KCNH1: variants seen among roughly 807,000 people sequenced by gnomAD.
KCNH1 encodes the protein potassium voltage-gated channel subfamily H member 1.
KCNH1 carries 27 observed loss-of-function variants against 69.2 expected under a neutral mutation model. The ratio of observed to expected loss-of-function variants is 0.39; its 90% CI spans 0.29 to 0.54. The LOEUF (loss-of-function observed/expected upper bound fraction) is 0.54, where lower values mean the gene tolerates loss of function less well. Ranked by LOEUF, KCNH1 falls within the 20% of genes least tolerant of loss-of-function variation. KCNH1 has a pLI of 0.68. For missense variants in KCNH1, 798 were observed against 1,261.6 expected, an observed-to-expected ratio of 0.63 and a Z score of 5.57; for synonymous variants, 456 against 487.7, an observed-to-expected ratio of 0.93 and a Z score of 0.86.
intron 7 of KCNH1, among the ~76,000 whole-genome samples, chr1:210,894,337 C>T (rs114688110): frequency 5.0e-4 from 76 of 152,312 alleles, no homozygotes; most frequent in African/African-American, 1.8e-3. Flanking sequence ...AAAGACCCTT[C>T]TGACTACTCA....
At chr1:211,067,935 T>C (rs537533433) in intron 5 of KCNH1, among the ~76,000 whole-genome samples, 41 of 152,314 alleles carry the variant, frequency 2.7e-4, no homozygotes, top group Admixed American at 5.9e-4. Context: ...TTTAGAGGAT[T>C]AGAGGAGACA....
intron 5 of KCNH1, among the ~76,000 whole-genome samples, chr1:211,054,809 T>C (rs947472748): frequency 1.3e-5 from 2 of 149,046 alleles, no homozygotes; most frequent in South Asian, 4.3e-4. Context: ...AAAAATAACA[T>C]TGAGTGGAAA....
chr1:211,001,491 G>A (rs192156764), intron 6 of KCNH1, among the ~76,000 whole-genome samples: 31 of 152,186 alleles, frequency 2.0e-4, no homozygotes, highest in Admixed American at 4.6e-4. Context: ...TTAGAATGGC[G>A]ATCATTAAAA....
chr1:210,696,933 A>G (rs975834360), intron 10 of KCNH1, among the ~76,000 whole-genome samples: 1 of 152,242 alleles, frequency 6.6e-6, no homozygotes, highest in African/African-American at 2.4e-5. Flanking sequence ...TGTAATGCAC[A>G]GCCATCTCCT....
intron 7 of KCNH1, among the ~76,000 whole-genome samples, chr1:210,909,010 A>C (rs181017648): frequency 7.2e-5 from 11 of 152,270 alleles, no homozygotes; most frequent in Admixed American, 3.9e-4. Flanking sequence ...GGTTTTTATC[A>C]CCACGTAGCT....
chr1:211,083,340 T>G (rs908854186), intron 4 of KCNH1, among the ~76,000 whole-genome samples: 1 of 152,252 alleles, frequency 6.6e-6, no homozygotes, highest in African/African-American at 2.4e-5. Flanking sequence ...AAACAGTTGG[T>G]TCTGCATTTT....
At chr1:210,756,693 T>C (rs757915581) in intron 10 of KCNH1, among the ~76,000 whole-genome samples, 33 of 152,174 alleles carry the variant, frequency 2.2e-4, no homozygotes, top group Non-Finnish European at 2.1e-4. Context: ...ATGGAAGGGA[T>C]AGTGAACTCA....
At chr1:210,821,285 T>C (rs540174047) in intron 7 of KCNH1, among the ~76,000 whole-genome samples, 1 of 152,290 alleles carries the variant, frequency 6.6e-6, no homozygotes, top group African/African-American at 2.4e-5. Flanking sequence ...GGAACTGATA[T>C]CACCATTTAG....
chr1:210,932,200 A>C (rs554973232), intron 6 of KCNH1, among the ~76,000 whole-genome samples: 26 of 152,320 alleles, frequency 1.7e-4, no homozygotes, highest in Admixed American at 3.3e-4. Flanking sequence ...TAGAAGTCAA[A>C]GATAGAATTC....
At chr1:210,752,062 C>A (rs979794907) in intron 10 of KCNH1, among the ~76,000 whole-genome samples, 4 of 152,126 alleles carry the variant, frequency 2.6e-5, no homozygotes, top group Admixed American at 2.6e-4. Flanking sequence ...GAGTACACTG[C>A]ATGTTCTGTA....
intron 6 of KCNH1, among the ~76,000 whole-genome samples, chr1:210,953,690 G>A (rs910722175): frequency 6.6e-6 from 1 of 152,082 alleles, no homozygotes; most frequent in Non-Finnish European, 1.5e-5. Context: ...TTCCTGGCAG[G>A]AAATCCTCCA....
At chr1:210,920,092 T>C in intron 6 of KCNH1, 23 bp from the exon 7 acceptor site, 2 of 1,603,590 alleles carry the variant, frequency 1.2e-6, no homozygotes, top group Non-Finnish European at 1.7e-6. Context: ...GAACACAGCG[T>C]CAGGGCCAAA....
intron 5 of KCNH1, among the ~76,000 whole-genome samples, chr1:211,068,931 G>A (rs115219964): frequency 0.011 from 1,627 of 152,302 alleles, 35 homozygotes; most frequent in African/African-American, 0.037. Flanking sequence ...ACCATTCATA[G>A]GAAGTCGCTT....
At chr1:211,037,639 T>G (rs1429758912) in intron 5 of KCNH1, among the ~76,000 whole-genome samples, 2 of 152,046 alleles carry the variant, frequency 1.3e-5, no homozygotes, top group East Asian at 3.9e-4. Context: ...CTGTGGACCT[T>G]CTCCAGGACT....
intron 5 of KCNH1, among the ~76,000 whole-genome samples, chr1:211,030,514 G>C (rs1689763082): frequency 6.6e-6 from 1 of 152,134 alleles, no homozygotes; most frequent in Non-Finnish European, 1.5e-5. Flanking sequence ...AGGAAAGACA[G>C]CCTTTTTAAC....
chr1:210,975,368 C>T (rs1034772383), intron 6 of KCNH1, among the ~76,000 whole-genome samples: 3 of 152,154 alleles, frequency 2.0e-5, no homozygotes, highest in East Asian at 1.9e-4. Flanking sequence ...GCTACAGTAA[C>T]CAAAACAGCA....
At chr1:210,872,217 A>G (rs573533750) in intron 7 of KCNH1, among the ~76,000 whole-genome samples, 1 of 151,390 alleles carries the variant, frequency 6.6e-6, no homozygotes, top group East Asian at 1.9e-4. Flanking sequence ...TGCCTGTACC[A>G]TGGTAAATGC....
At chr1:211,018,602 C>T (rs896973457) in intron 6 of KCNH1, among the ~76,000 whole-genome samples, 181 bp downstream of exon 6, 5 of 152,200 alleles carry the variant, frequency 3.3e-5, no homozygotes, top group African/African-American at 1.2e-4. Context: ...CACTGTCATG[C>T]AGGGCCTCCA....
intron 6 of KCNH1, among the ~76,000 whole-genome samples, chr1:210,934,126 A>G (rs1173223564): frequency 6.6e-6 from 1 of 152,200 alleles, no homozygotes; most frequent in Non-Finnish European, 1.5e-5. Flanking sequence ...TTAGTCTGGG[A>G]AAAGATTTTA....
Sources: allele counts gnomAD v4.1 joint callset (sites outside exome capture counted in the v4.1 genomes callset), GRCh38; gene constraint gnomAD v4.1.1; transcripts MANE v1.5; gene names NCBI Gene and HGNC (gene_info 2026-07-23, HGNC 2026-07-21).